Variants in ADAMTSL1 observed in about 807,000 individuals in gnomAD.
ADAMTSL1 encodes the protein ADAMTS-like protein 1.
ADAMTSL1 carries 126 observed loss-of-function variants against 201.8 expected under a neutral mutation model. The ratio of observed to expected loss-of-function variants is 0.62; its 90% CI spans 0.54 to 0.72. The LOEUF is 0.72. Ranked by LOEUF, ADAMTSL1 falls within the 30% of genes least tolerant of loss-of-function variation. ADAMTSL1 has a pLI of 0.00. For missense variants in ADAMTSL1, 2,679 were observed against 2,277.8 expected, an observed-to-expected ratio of 1.18 and a Z score of -3.59; for synonymous variants, 1,121 against 903.4, an observed-to-expected ratio of 1.24 and a Z score of -4.32.
At chr9:18,651,878 C>A in intron 7 of ADAMTSL1, among the ~76,000 whole-genome samples, 1 of 150,962 alleles carries the variant, frequency 6.6e-6, no homozygotes, top group Admixed American at 6.7e-5. Flanking sequence ...ATCCCATGTC[C>A]AAAATAATGG....
At chr9:18,006,983 A>G (rs1473372865) in intron 1 of ADAMTSL1, among the ~76,000 whole-genome samples, 2 of 152,058 alleles carry the variant, frequency 1.3e-5, no homozygotes, top group Non-Finnish European at 2.9e-5. Context: ...ATTTCATGGA[A>G]AAATCGGGCT....
chr9:17,944,197 G>A (rs58128138), intron 1 of ADAMTSL1, among the ~76,000 whole-genome samples: 2 of 152,056 alleles, frequency 1.3e-5, no homozygotes, highest in Admixed American at 1.3e-4. Flanking sequence ...CAAATCATGA[G>A]TGAACTCCCG....
intron 2 of ADAMTSL1, among the ~76,000 whole-genome samples, chr9:18,212,515 C>A (rs773221096): frequency 3.9e-5 from 6 of 152,150 alleles, no homozygotes; most frequent in Non-Finnish European, 8.8e-5. Flanking sequence ...ATCTGTAGTG[C>A]TGGTCTTGGA....
chr9:18,153,655 G>T (rs1050478103), intron 1 of ADAMTSL1, among the ~76,000 whole-genome samples: 1 of 152,004 alleles, frequency 6.6e-6, no homozygotes, highest in African/African-American at 2.4e-5. Context: ...TGTGTGAAAG[G>T]CAGTGACTTT....
chr9:18,777,078 G>T lies in ADAMTSL1; in HGVS notation c.2849G>T (p.Gly950Val), dbSNP rs1422649331. Residue 950 changes from glycine to valine, a missense_variant, in exon 19 of 29, where the codon GGC (glycine) becomes GTC (valine). Coordinates refer to ENST00000380548, the MANE Select transcript of ADAMTSL1 (RefSeq NM_001040272.6). Reference sequence around the variant, plus strand: ...GCAGGCGTCTACACCTGCTCAGCGGGCCCGGCCCGGGAGCACTTTGTGATT... The same window carrying T: ...GCAGGCGTCTACACCTGCTCAGCGGTCCCGGCCCGGGAGCACTTTGTGATT... The part of the protein sequence containing the change: ...SDAGVYTCSA[G>V]PAREHFVIKL... The T allele has an allele frequency of 2.5e-6, 4 of 1,613,190 alleles. No homozygotes were observed. Among genetic ancestry groups the T allele is most frequent in the Non-Finnish European group, 2.5e-6 (3 of 1,179,818 alleles).
At chr9:17,917,428 A>T (rs1826139830) in intron 1 of ADAMTSL1, among the ~76,000 whole-genome samples, 2 of 152,012 alleles carry the variant, frequency 1.3e-5, no homozygotes, top group African/African-American at 4.8e-5. Flanking sequence ...TTTATCAGAA[A>T]TGGATTTTGT....
chr9:18,189,081 G>C (rs549467672), intron 2 of ADAMTSL1, among the ~76,000 whole-genome samples: 20 of 152,286 alleles, frequency 1.3e-4, no homozygotes, highest in Admixed American at 1.2e-3. Context: ...GGGAAAAGCT[G>C]TATCCTAAGT....
chr9:18,233,627 G>A (rs976100554), intron 2 of ADAMTSL1, among the ~76,000 whole-genome samples: 1 of 152,036 alleles, frequency 6.6e-6, no homozygotes, highest in African/African-American at 2.4e-5. Context: ...CAGACAAAGA[G>A]ATGAGAAATT....
chr9:18,536,811 G>A (rs1427708845), intron 3 of ADAMTSL1, among the ~76,000 whole-genome samples: 2 of 152,134 alleles, frequency 1.3e-5, no homozygotes, highest in Non-Finnish European at 2.9e-5. Flanking sequence ...AGTGAAGGAG[G>A]CTCTTAAAAA....
Position 18,887,739 on chromosome 9 carries a change from A to G in ADAMTSL1, c.4250-92A>G, listed in dbSNP as rs1267702831. 5.1e-6 allele frequency: 6 copies of G among 1,186,596 alleles called. No individual in the cohort carries two copies. In the African/African-American group the frequency reaches 9.1e-5, roughly 18 times the overall value. The allele number at this position is 1,186,596 out of a possible 1,614,324, so 73.5% of individuals were successfully genotyped here. A position where few individuals can be genotyped will look rare whatever the true frequency, so the allele number is the denominator to read the frequency against. On this transcript the variant is annotated intron_variant, in intron 23 of 28. Transcript: ENST00000380548. ...ACAGACAAGGCCACATTGTGTGTACAATTTCTAGAGCCACACAGACAGTAA... is the reference window on the plus strand; with the variant it reads ...ACAGACAAGGCCACATTGTGTGTACGATTTCTAGAGCCACACAGACAGTAA...
chr9:18,869,284 C>T (rs982748397), intron 23 of ADAMTSL1, among the ~76,000 whole-genome samples: 2 of 152,216 alleles, frequency 1.3e-5, no homozygotes, highest in African/African-American at 2.4e-5. Context: ...TCATCTTATA[C>T]AAGCCAAGGC....
At chr9:17,994,619 G>A (rs1398439791) in intron 1 of ADAMTSL1, among the ~76,000 whole-genome samples, 4 of 152,100 alleles carry the variant, frequency 2.6e-5, no homozygotes, top group African/African-American at 9.7e-5. Context: ...TTTAATGTGA[G>A]AGTTAACTAC....
chr9:18,830,116 G>A lies in ADAMTSL1; in HGVS notation c.4249+139G>A, dbSNP rs551255678. On this transcript the variant is annotated intron_variant, in intron 23 of 28. Transcript: ENST00000380548. Reference sequence around the variant, plus strand: ...ATCACTAAATTGCCTACAGAATCCAGACTCACCAGTGGAAACTTGGCTGAC... The same window carrying A: ...ATCACTAAATTGCCTACAGAATCCAAACTCACCAGTGGAAACTTGGCTGAC... The A allele has an allele frequency of 2.5e-5, 30 of 1,204,774 alleles. No homozygotes were observed. The East Asian group carries it at 7.2e-4, about 29-fold the overall frequency. 74.6% of individuals were successfully genotyped at this position (1,204,774 alleles called of 1,614,324 possible).
At chr9:18,209,863 A>C (rs1208808746) in intron 2 of ADAMTSL1, among the ~76,000 whole-genome samples, 2 of 152,114 alleles carry the variant, frequency 1.3e-5, no homozygotes, top group Non-Finnish European at 2.9e-5. Flanking sequence ...GTAGACAGTG[A>C]AAAATCATAA....
intron 13 of ADAMTSL1, among the ~76,000 whole-genome samples, chr9:18,702,141 C>T (rs1036384256): frequency 6.6e-6 from 1 of 152,138 alleles, no homozygotes; most frequent in African/African-American, 2.4e-5. Context: ...GTCATGAGAA[C>T]AGCACAGGAA....
At chr9:18,738,296 G>A (rs1865270) in intron 15 of ADAMTSL1, among the ~76,000 whole-genome samples, 44,361 of 151,986 alleles carry the variant, frequency 0.29, 6,994 homozygotes, top group South Asian at 0.43. Flanking sequence ...TGATAATGCA[G>A]TTACCCCAGG....
chr9:18,715,443 C>T (rs1832864711), intron 14 of ADAMTSL1, among the ~76,000 whole-genome samples: 1 of 152,088 alleles, frequency 6.6e-6, no homozygotes, highest in Admixed American at 6.6e-5. Context: ...ACACCAACAA[C>T]AGACAAACAG....
chr9:18,187,630 G>A (rs1045537951), intron 2 of ADAMTSL1, among the ~76,000 whole-genome samples: 11 of 152,012 alleles, frequency 7.2e-5, no homozygotes, highest in Non-Finnish European at 2.9e-5. Context: ...AGAAAAGTTG[G>A]AATTTATTGG....
At chr9:18,761,064 T>C (rs1820045824) in intron 16 of ADAMTSL1, among the ~76,000 whole-genome samples, 1 of 152,252 alleles carries the variant, frequency 6.6e-6, no homozygotes, top group Non-Finnish European at 1.5e-5. Flanking sequence ...ACTCAATAAA[T>C]GTTTGGTGAA....
Sources: gnomAD v4.1 joint callset for allele counts (sites outside exome capture counted in the v4.1 genomes callset) on GRCh38, gnomAD v4.1.1 for gene constraint, MANE v1.5 for transcripts, NCBI Gene and HGNC (gene_info 2026-07-23, HGNC 2026-07-21) for gene names.